Variants in MYO1D observed in about 807,000 individuals in gnomAD.
MYO1D encodes myosin ID.
In MYO1D, 83 loss-of-function variants were observed where a neutral mutation model predicts 122.0. That is an observed-to-expected ratio of 0.68 (90% CI 0.57 to 0.82). MYO1D has a LOEUF of 0.82. MYO1D is among the 40% of genes least tolerant of loss of function. MYO1D has a pLI of 0.00. For synonymous variants in MYO1D, 464 were observed against 446.9 expected, an observed-to-expected ratio of 1.04 and a Z score of -0.48; for missense variants, 1,157 against 1,269.5, an observed-to-expected ratio of 0.91 and a Z score of 1.35.
intron 1 of MYO1D, among the ~76,000 whole-genome samples, chr17:32,847,662 G>A (rs1476706901): frequency 6.6e-6 from 1 of 152,096 alleles, no homozygotes; most frequent in Non-Finnish European, 1.5e-5. Flanking sequence ...TTACAGGCAT[G>A]CCCCATCACG....
Position 32,558,163 on chromosome 17 carries a change from G to T in MYO1D, c.2864+46924C>A, listed in dbSNP as rs1290227638. Among the ~76,000 whole-genome samples, 5 of 152,010 alleles carry T rather than the reference G, an allele frequency of 3.3e-5. No individual in the cohort carries two copies. In the South Asian group the frequency reaches 6.2e-4, roughly 19 times the overall value. On this transcript the variant is annotated intron_variant, in intron 21 of 21. Transcript: ENST00000318217. ...AGTTTGTCTGTGTGGGAAACCATGG[G>T]ATGATAAAAAGAAACACTCTGAGAG...
intron 5 of MYO1D, among the ~76,000 whole-genome samples, chr17:32,771,957 C>T (rs917031248): frequency 2.6e-5 from 4 of 152,110 alleles, no homozygotes; most frequent in African/African-American, 9.7e-5. Flanking sequence ...AAACTGTATG[C>T]TTTTGTTTAC....
Position 32,721,008 on chromosome 17 carries a change from C to T in MYO1D, c.1913+15G>A, listed in dbSNP as rs370564159. ...TTCTCAGTGAACTAGGCCTCTCTGACGAGTCTATTCTCACCTGTGAAGAAA... is the reference window on the plus strand; with the variant it reads ...TTCTCAGTGAACTAGGCCTCTCTGATGAGTCTATTCTCACCTGTGAAGAAA... On this transcript the variant is annotated intron_variant, in intron 15 of 21. Coordinates refer to ENST00000318217, the MANE Select transcript of MYO1D (RefSeq NM_015194.3). 153 of 1,608,410 alleles carry T rather than the reference C, an allele frequency of 9.5e-5. No individual in the cohort carries two copies. Among genetic ancestry groups the T allele is most frequent in the East Asian group, 7.4e-4 (33 of 44,788 alleles).
At position 32,713,630 on chromosome 17, in the gene MYO1D, T is replaced by C. The variant is rs191446800; in HGVS notation, c.1914-1435A>G. Reference sequence around the variant, plus strand: ...AGATTTAGTGAGTTGGAACATTAAATACATTATTATTATTATTATTTTGAC... The same window carrying C: ...AGATTTAGTGAGTTGGAACATTAAACACATTATTATTATTATTATTTTGAC... On this transcript the variant is annotated intron_variant, in intron 15 of 21. Transcript: ENST00000318217. 8.3e-4 allele frequency among the ~76,000 whole-genome samples: 125 copies of C among 150,940 alleles called. 3 individuals carry two copies. The East Asian group carries it at 0.015, about 18-fold the overall frequency.
intron 16 of MYO1D, among the ~76,000 whole-genome samples, chr17:32,689,695 T>C (rs1051287416): frequency 2.0e-5 from 3 of 152,154 alleles, no homozygotes; most frequent in African/African-American, 7.2e-5. Flanking sequence ...TAAAATATCG[T>C]CATTATTAAT....
At chr17:32,845,124 G>A (rs1253996804) in intron 1 of MYO1D, among the ~76,000 whole-genome samples, 1 of 150,976 alleles carries the variant, frequency 6.6e-6, no homozygotes, top group Non-Finnish European at 1.5e-5. Flanking sequence ...TGTGATTTTT[G>A]CTTTCCTCTT....
intron 21 of MYO1D, among the ~76,000 whole-genome samples, chr17:32,565,917 G>A (rs1357737191): frequency 6.6e-6 from 1 of 152,034 alleles, no homozygotes; most frequent in African/African-American, 2.4e-5. Flanking sequence ...TAGAAACAGG[G>A]TTTCGCCATG....
rs536651990 is a variant in MYO1D at position 32,709,644 on chromosome 17, T to A, written c.2121+2344A>T. Among the ~76,000 whole-genome samples, 12 of 152,222 alleles carry A rather than the reference T, an allele frequency of 7.9e-5. No homozygotes were observed. The South Asian group carries it at 2.1e-3, about 26-fold the overall frequency. On this transcript the variant is annotated intron_variant, in intron 16 of 21. Transcript: ENST00000318217. ...TAGTATTCCAGTCCAAATGTTTTCC[T>A]GAGCTCTAGGCAAAATAAATAAAAA... is the stretch of plus-strand genomic sequence containing the variant.
chr17:32,866,630 C>T (rs2091127376), intron 1 of MYO1D, among the ~76,000 whole-genome samples: 1 of 152,240 alleles, frequency 6.6e-6, no homozygotes, highest in Non-Finnish European at 1.5e-5. Context: ...AAGTATTTGA[C>T]TTTCTAAGGG....
chr17:32,759,421 A>AT lies in MYO1D; in HGVS notation c.1296+868dup, dbSNP rs1171652517. Among the ~76,000 whole-genome samples the AT allele has an allele frequency of 4.6e-5, 7 of 152,226 alleles. No homozygotes were observed. In the East Asian group the frequency reaches 1.2e-3, roughly 25 times the overall value. On this transcript the variant is annotated intron_variant, in intron 10 of 21. Transcript: ENST00000318217. The stretch of plus-strand genomic sequence containing the variant: ...GTCATTTAAATATAGTATTTCAAAT[A>AT]TTTTTTTGCTGCTATTATATTGGAT...
intron 1 of MYO1D, among the ~76,000 whole-genome samples, chr17:32,831,956 T>C (rs2090774660): frequency 6.6e-6 from 1 of 152,208 alleles, no homozygotes; most frequent in African/African-American, 2.4e-5. Context: ...GAAACTAACC[T>C]TGGAGTCCAA....
chr17:32,643,431 G>A (rs2088234523), intron 19 of MYO1D, among the ~76,000 whole-genome samples: 1 of 152,120 alleles, frequency 6.6e-6, no homozygotes, highest in Admixed American at 6.5e-5. Flanking sequence ...GATGATGCTG[G>A]CCTCATAAAA....
At chr17:32,607,934 C>T (rs2087649229) in intron 20 of MYO1D, among the ~76,000 whole-genome samples, 1 of 152,112 alleles carries the variant, frequency 6.6e-6, no homozygotes, top group Admixed American at 6.5e-5. Context: ...TTGGACACCC[C>T]CATGCAAACG....
chr17:32,599,868 G>C (rs1415335314), intron 21 of MYO1D, among the ~76,000 whole-genome samples: 1 of 152,186 alleles, frequency 6.6e-6, no homozygotes, highest in Non-Finnish European at 1.5e-5. Flanking sequence ...GGCCAGGCTG[G>C]TCTCAAACTC....
chr17:32,606,779 C>T (rs1006104773), intron 20 of MYO1D, among the ~76,000 whole-genome samples: 1 of 152,198 alleles, frequency 6.6e-6, no homozygotes, highest in African/African-American at 2.4e-5. Flanking sequence ...CCCTTAAGAT[C>T]GGGAGCAATG....
rs76028084 is a variant in MYO1D at position 32,771,686 on chromosome 17, G to C, written c.619-466C>G. 9.8e-3 allele frequency among the ~76,000 whole-genome samples: 1,496 copies of C among 152,242 alleles called. 15 individuals are homozygous for C. Among genetic ancestry groups the C allele is most frequent in the South Asian group, 0.013 (62 of 4,820 alleles). ...ACAAACAGCTTTTCCTCATCAATCT[G>C]TACCTCTCAGGAAAAGAGGACAGCT... On this transcript the variant is annotated intron_variant, in intron 5 of 21. Coordinates refer to ENST00000318217, the MANE Select transcript of MYO1D (RefSeq NM_015194.3).
intron 21 of MYO1D, among the ~76,000 whole-genome samples, chr17:32,591,909 C>T (rs926011306): frequency 1.3e-5 from 2 of 152,056 alleles, no homozygotes; most frequent in African/African-American, 2.4e-5. Context: ...ATTCTAATGC[C>T]GATGGAGCCC....
At chr17:32,769,769 T>C (rs576457459) in intron 6 of MYO1D, among the ~76,000 whole-genome samples, 31 of 152,002 alleles carry the variant, frequency 2.0e-4, no homozygotes, top group African/African-American at 7.0e-4. Flanking sequence ...GATCATTTAT[T>C]AGTTCTTTGT....
intron 21 of MYO1D, among the ~76,000 whole-genome samples, chr17:32,517,467 G>A (rs1415593835): frequency 6.6e-6 from 1 of 152,200 alleles, no homozygotes; most frequent in African/African-American, 2.4e-5. Context: ...GGAGCCCATA[G>A]AGCAAAGATT....
Sources: allele counts gnomAD v4.1 joint callset (sites outside exome capture counted in the v4.1 genomes callset), GRCh38; gene constraint gnomAD v4.1.1; transcripts MANE v1.5; gene names NCBI Gene and HGNC (gene_info 2026-07-23, HGNC 2026-07-21).